The following ATP11B variants were observed in gnomAD, a reference collection of about 807,000 sequenced individuals.
The protein encoded by ATP11B is phospholipid-transporting ATPase IF.
ATP11B carries 81 observed loss-of-function variants against 157.8 expected under a neutral mutation model. The ratio of observed to expected loss-of-function variants is 0.51; its 90% CI spans 0.43 to 0.62. ATP11B has a LOEUF of 0.62. ATP11B is among the 20% of genes least tolerant of loss of function. The pLI is 0.00. For synonymous variants in ATP11B, 451 were observed against 469.4 expected (o/e 0.96, Z 0.51); for missense variants, 1,165 against 1,402.2 (o/e 0.83, Z 2.70).
intron 28 of ATP11B, among the ~76,000 whole-genome samples, chr3:182,902,783 G>A (rs188166420): frequency 3.3e-5 from 5 of 151,140 alleles, no homozygotes; most frequent in South Asian, 4.2e-4. Flanking sequence ...AAAATTCAAC[G>A]TGATCACAGA....
intron 1 of ATP11B, among the ~76,000 whole-genome samples, chr3:182,812,593 A>G (rs116776764): frequency 0.012 from 1,781 of 152,312 alleles, 35 homozygotes; most frequent in African/African-American, 0.042. Flanking sequence ...CATGGAAACT[A>G]CCAGTCCAGC....
chr3:182,836,188 C>G, intron 5 of ATP11B, 46 bp downstream of exon 5: 3 of 1,573,356 alleles, frequency 1.9e-6, no homozygotes, highest in Non-Finnish European at 2.6e-6. Flanking sequence ...CTTGATATCA[C>G]AGGACATAAT....
intron 11 of ATP11B, among the ~76,000 whole-genome samples, chr3:182,858,525 G>A (rs560951): frequency 0.71 from 107,611 of 151,456 alleles, 38,658 homozygotes; most frequent in Non-Finnish European, 0.77. Flanking sequence ...TTGTTCTCCA[G>A]GTTTCACTTT....
chr3:182,882,788 A>G (rs1449818017), intron 21 of ATP11B, among the ~76,000 whole-genome samples: 2 of 152,208 alleles, frequency 1.3e-5, no homozygotes, highest in African/African-American at 2.4e-5. Context: ...ATAGATGACA[A>G]AGTTGTAATA....
intron 1 of ATP11B, among the ~76,000 whole-genome samples, chr3:182,806,545 C>A (rs1039952590): frequency 6.6e-6 from 1 of 152,022 alleles, no homozygotes; most frequent in Non-Finnish European, 1.5e-5. Context: ...CATTTTCTAT[C>A]TGTGCTGTTT....
chr3:182,914,359 T>G, intron 29 of ATP11B: 1 of 981,204 alleles, frequency 1.0e-6, no homozygotes. Flanking sequence ...TTTTAAAATT[T>G]TTTTGCTTTT....
chr3:182,836,572 A>C, intron 6 of ATP11B, 102 bp downstream of exon 6: 1 of 1,344,780 alleles, frequency 7.4e-7, no homozygotes, highest in Non-Finnish European at 1.0e-6. Context: ...GACCAGATTA[A>C]GGGGAAGTTT....
chr3:182,891,266 G>C (rs193291285), intron 25 of ATP11B, among the ~76,000 whole-genome samples: 1 of 152,136 alleles, frequency 6.6e-6, no homozygotes. Context: ...TGGATGAAAA[G>C]GATGTTAAAG....
chr3:182,811,066 C>G (rs1716635039), intron 1 of ATP11B, among the ~76,000 whole-genome samples: 1 of 126,490 alleles, frequency 7.9e-6, no homozygotes, highest in Admixed American at 8.2e-5. Context: ...TGTAAACAAT[C>G]ATGACTACAC....
chr3:182,915,121 T>C, intron 29 of ATP11B: 1 of 984,768 alleles, frequency 1.0e-6, no homozygotes, highest in Non-Finnish European at 1.2e-6. Flanking sequence ...AAATGATGAG[T>C]ATGATATCAT....
At chr3:182,815,563 T>C (rs538615994) in intron 1 of ATP11B, among the ~76,000 whole-genome samples, 57 of 152,318 alleles carry the variant, frequency 3.7e-4, no homozygotes, top group Admixed American at 3.7e-3. Flanking sequence ...GTCATGAATG[T>C]GATCTAAATA....
Position 182,898,727 on chromosome 3 carries a change from G to T in ATP11B, c.3273G>T (p.Lys1091Asn). 1 of 1,590,756 alleles carries T rather than the reference G, an allele frequency of 6.3e-7. No homozygotes were observed. The highest frequency in any genetic ancestry group is 1.2e-5 in the South Asian group (1 of 86,380). ...VTCLFLDIIK[K>N]VFDRHLHPTS... ...GTCTATTTCTTGATATCATAAAGAA[G>T]GTCTTTGACCGACACCTCCACCCTA... Residue 1091 changes from lysine (K) to asparagine (N), a missense_variant, in exon 28 of 30, where the codon AAG (lysine) becomes AAT (asparagine). Physicochemically the swap from Lys to Asn is moderately conservative, Grantham distance 94. This residue lies in a region of ATP11B where 303 missense variants were observed against 296.3 expected (regional missense o/e 1.02). Coordinates refer to ENST00000323116, the MANE Select transcript of ATP11B (RefSeq NM_014616.3).
chr3:182,862,764 T>G (rs992943314), intron 12 of ATP11B, among the ~76,000 whole-genome samples: 3 of 152,040 alleles, frequency 2.0e-5, no homozygotes, highest in Non-Finnish European at 2.9e-5. Flanking sequence ...TCCAAACTTG[T>G]GTCAATCTTC....
At chr3:182,863,062 A>C (rs1172526347) in intron 12 of ATP11B, among the ~76,000 whole-genome samples, 15 of 151,530 alleles carry the variant, frequency 9.9e-5, no homozygotes, top group Admixed American at 9.8e-4. Context: ...GACTACAGGC[A>C]CCCGCCACCA....
At chr3:182,895,641 A>G (rs1723495595) in intron 25 of ATP11B, among the ~76,000 whole-genome samples, 1 of 152,214 alleles carries the variant, frequency 6.6e-6, no homozygotes, top group Non-Finnish European at 1.5e-5. Context: ...ACACACAGAA[A>G]GAGGGCGGCT....
At chr3:182,794,756 C>A (rs1486734081) in intron 1 of ATP11B, among the ~76,000 whole-genome samples, 1 of 152,170 alleles carries the variant, frequency 6.6e-6, no homozygotes, top group Non-Finnish European at 1.5e-5. Context: ...AGAAATTGCC[C>A]CTGGCTGAAG....
intron 4 of ATP11B, chr3:182,830,023 A>G (rs1369350026): frequency 1.1e-5 from 8 of 727,344 alleles, no homozygotes; most frequent in African/African-American, 7.7e-5. Context: ...TGTATAAACC[A>G]TTTATATATG....
At chr3:182,818,953 G>A (rs1371874180) in intron 1 of ATP11B, among the ~76,000 whole-genome samples, 6 of 150,622 alleles carry the variant, frequency 4.0e-5, no homozygotes, top group African/African-American at 1.2e-4. Flanking sequence ...AAAAACCTAA[G>A]GAATTTTGAA....
rs1419591376 is a variant in ATP11B at position 182,859,295 on chromosome 3, A to G, written c.1136A>G (p.Tyr379Cys). 6.2e-7 allele frequency: 1 copy of G among 1,611,056 alleles called. No individual in the cohort carries two copies. The highest frequency in any genetic ancestry group is 8.5e-7 in the Non-Finnish European group (1 of 1,178,392). The change falls in exon 12 of 30, where the codon TAT (tyrosine) becomes TGT (cysteine). Residue 379 changes from tyrosine to cysteine, a missense_variant. Coordinates refer to ENST00000323116, the MANE Select transcript of ATP11B (RefSeq NM_014616.3). ...SFFIGWDLDL[Y>C]HEESDQKAQV... ...TTTATTGGCTGGGATCTTGATCTGTATCATGAAGAATCAGATCAGAAAGCT... is the reference window on the plus strand; with the variant it reads ...TTTATTGGCTGGGATCTTGATCTGTGTCATGAAGAATCAGATCAGAAAGCT...
Sources: gnomAD v4.1 joint callset for allele counts (sites outside exome capture counted in the v4.1 genomes callset) on GRCh38, gnomAD v4.1.1 for gene constraint, gnomAD v4.1.1 regional missense constraint, MANE v1.5 for transcripts, NCBI Gene and HGNC (gene_info 2026-07-23, HGNC 2026-07-21) for gene names.